Variants in CALCRL observed in about 807,000 individuals in gnomAD.
CALCRL encodes the protein calcitonin receptor like receptor, also known as calcitonin gene-related peptide type 1 receptor.
A neutral mutation model predicts 60.4 loss-of-function variants in CALCRL; 27 were observed. The ratio of observed to expected loss-of-function variants is 0.45; its 90% CI spans 0.33 to 0.62. The LOEUF is 0.62. Ranked by LOEUF, CALCRL falls within the 20% of genes least tolerant of loss-of-function variation. The probability of loss-of-function intolerance (pLI) is 0.03; values close to 1 mark genes in which losing one functional copy is unlikely to be tolerated. For missense variants in CALCRL, 424 were observed against 540.7 expected, an observed-to-expected ratio of 0.78 and a Z score of 2.14; for synonymous variants, 190 against 182.6, an observed-to-expected ratio of 1.04 and a Z score of -0.33.
chr2:187,401,943 A>AGAAGGAAG (rs1688904467), intron 1 of CALCRL, among the ~76,000 whole-genome samples: 1 of 151,338 alleles, frequency 6.6e-6, no homozygotes, highest in South Asian at 2.1e-4. Flanking sequence ...AATCAAGGAA[A>AGAAGGAAG]GAAGGAAGGA....
chr2:187,356,390 A>T (rs1020335206), intron 12 of CALCRL, among the ~76,000 whole-genome samples: 3 of 152,196 alleles, frequency 2.0e-5, no homozygotes, highest in African/African-American at 7.2e-5. Context: ...AACCTGACAA[A>T]AACCAGCAAT....
At chr2:187,374,995 G>A (rs960880761) in intron 8 of CALCRL, among the ~76,000 whole-genome samples, 6 of 152,188 alleles carry the variant, frequency 3.9e-5, no homozygotes, top group African/African-American at 1.4e-4. Flanking sequence ...TGAGTTGGCC[G>A]GGCGCGGTGG....
intron 8 of CALCRL, among the ~76,000 whole-genome samples, chr2:187,367,340 A>T (rs1311604229): frequency 2.6e-5 from 4 of 152,118 alleles, no homozygotes; most frequent in Non-Finnish European, 5.9e-5. Flanking sequence ...CTACTGCCTA[A>T]AATACTATTT....
Position 187,344,974 on chromosome 2 carries a change from T to C in CALCRL, c.*1210A>G, listed in dbSNP as rs566570602. On this transcript the variant is annotated 3_prime_UTR_variant, in exon 15 of 15. Transcript: ENST00000392370. The stretch of plus-strand genomic sequence containing the variant: ...TTAAGGTATGAGTTATCAAAACAAA[T>C]ATATTCAATAAAATAGTGACCTTGT... 6.6e-6 allele frequency: 1 copy of C among 151,824 alleles called. No homozygotes were observed. Among genetic ancestry groups the C allele is most frequent in the East Asian group, 1.9e-4 (1 of 5,160 alleles). The allele number at this position is 151,824 out of a possible 1,614,324, so 9.4% of individuals were successfully genotyped here. A position where few individuals can be genotyped will look rare whatever the true frequency, so the allele number is the denominator to read the frequency against.
intron 8 of CALCRL, among the ~76,000 whole-genome samples, chr2:187,374,997 G>A (rs986989569): frequency 2.0e-5 from 3 of 152,102 alleles, no homozygotes; most frequent in African/African-American, 7.2e-5. Context: ...AGTTGGCCGG[G>A]CGCGGTGGCT....
At chr2:187,446,609 G>A (rs1461397947) in intron 1 of CALCRL, among the ~76,000 whole-genome samples, 1 of 151,546 alleles carries the variant, frequency 6.6e-6, no homozygotes, top group African/African-American at 2.4e-5. Flanking sequence ...ACTAACCCAC[G>A]TCATTGGGTT....
chr2:187,412,087 C>A (rs1172830365), intron 1 of CALCRL, among the ~76,000 whole-genome samples: 1 of 151,434 alleles, frequency 6.6e-6, no homozygotes, highest in Admixed American at 6.6e-5. Context: ...GAACAGGGAT[C>A]TGGGACAGTA....
intron 8 of CALCRL, among the ~76,000 whole-genome samples, chr2:187,367,769 C>T (rs947811290): frequency 4.6e-5 from 7 of 151,920 alleles, no homozygotes; most frequent in Non-Finnish European, 7.4e-5. Context: ...TTTCTATCCC[C>T]GCATAACCAC....
chr2:187,441,092 A>AT (rs1224043355), intron 1 of CALCRL, among the ~76,000 whole-genome samples: 18 of 151,988 alleles, frequency 1.2e-4, no homozygotes, highest in Non-Finnish European at 4.4e-5. Context: ...ACAAAAAAAT[A>AT]TTTTTTGTCA....
chr2:187,366,319 T>C (rs1687290480), intron 8 of CALCRL, among the ~76,000 whole-genome samples: 1 of 148,512 alleles, frequency 6.7e-6, no homozygotes, highest in Middle Eastern at 3.3e-3. Flanking sequence ...CTATAGTTAA[T>C]AATAAGTAGT....
chr2:187,400,287 C>T (rs1367123695), intron 1 of CALCRL, among the ~76,000 whole-genome samples: 1 of 151,110 alleles, frequency 6.6e-6, no homozygotes, highest in African/African-American at 2.4e-5. Flanking sequence ...AAAAGATGTT[C>T]AATATTCTTA....
At position 187,378,876 on chromosome 2, in the gene CALCRL, C is replaced by G. The variant is rs1687875493; in HGVS notation, c.500+64G>C. ...TTTTGTCAGACATGATGTAAATATG[C>G]ACATGATGGGGCATTCACCCAAGAC... On this transcript the variant is annotated intron_variant, in intron 8 of 14. Coordinates refer to ENST00000392370, the MANE Select transcript of CALCRL (RefSeq NM_005795.6). 6 of 846,046 alleles carry G rather than the reference C, an allele frequency of 7.1e-6. No homozygotes were observed. The South Asian group carries it at 7.4e-5, about 10-fold the overall frequency. 52.4% of individuals were successfully genotyped at this position (846,046 alleles called of 1,614,324 possible). A position where few individuals can be genotyped will look rare whatever the true frequency, so the allele number is the denominator to read the frequency against.
intron 1 of CALCRL, chr2:187,415,786 A>G (rs1689578120): frequency 8.6e-6 from 4 of 467,526 alleles, no homozygotes; most frequent in Admixed American, 8.5e-5. Context: ...CTTGTATGAC[A>G]ATGAATTTGG....
intron 1 of CALCRL, among the ~76,000 whole-genome samples, chr2:187,414,069 A>G (rs999157651): frequency 2.6e-5 from 4 of 152,296 alleles, no homozygotes; most frequent in Middle Eastern, 3.4e-3. Context: ...CTGGCACACA[A>G]CACTCAATAA....
chr2:187,364,130 C>T (rs1040865870), intron 8 of CALCRL, among the ~76,000 whole-genome samples: 3 of 152,088 alleles, frequency 2.0e-5, no homozygotes, highest in Admixed American at 2.0e-4. Flanking sequence ...CCACCTTTTA[C>T]TAGAGTTCCT....
In CALCRL at chr2:187,345,411, G is replaced by A. The variant is rs1019251568; in HGVS notation, c.*773C>T. The A allele has an allele frequency of 2.0e-5, 3 of 152,216 alleles. No homozygotes were observed. Among genetic ancestry groups the A allele is most frequent in the African/African-American group, 7.3e-5 (3 of 41,374 alleles). 9.4% of individuals were successfully genotyped at this position (152,216 alleles called of 1,614,324 possible). The stretch of plus-strand genomic sequence containing the variant: ...TTACAGCTAGGAATTCCCTCCCACT[G>A]TTTGGTAAGACAGGAAGAGGTTGAC... On this transcript the variant is annotated 3_prime_UTR_variant, in exon 15 of 15. Coordinates refer to ENST00000392370, the MANE Select transcript of CALCRL (RefSeq NM_005795.6).
chr2:187,377,725 G>T (rs1687817261), intron 8 of CALCRL, among the ~76,000 whole-genome samples: 1 of 152,008 alleles, frequency 6.6e-6, no homozygotes, highest in Admixed American at 6.6e-5. Context: ...CGAAAATAGA[G>T]AATTGATAAT....
intron 8 of CALCRL, among the ~76,000 whole-genome samples, chr2:187,378,023 G>A (rs530414441): frequency 1.3e-5 from 2 of 151,548 alleles, no homozygotes; most frequent in East Asian, 1.9e-4. Context: ...AGAGGAATAA[G>A]AGAAGAGGAG....
intron 1 of CALCRL, among the ~76,000 whole-genome samples, chr2:187,425,422 T>C (rs2105881645): frequency 6.6e-6 from 1 of 152,032 alleles, no homozygotes; most frequent in African/African-American, 2.4e-5. Context: ...GAGAAACCCA[T>C]TTGGTATCTT....
Sources: gnomAD v4.1 joint callset for allele counts (sites outside exome capture counted in the v4.1 genomes callset) on GRCh38, gnomAD v4.1.1 for gene constraint, MANE v1.5 for transcripts, NCBI Gene and HGNC (gene_info 2026-07-23, HGNC 2026-07-21) for gene names.